The following PTPRC variants were observed in gnomAD, a reference collection of about 807,000 sequenced individuals.
PTPRC encodes protein tyrosine phosphatase receptor type C.
A neutral mutation model predicts 155.9 loss-of-function variants in PTPRC; 44 were observed. That is an observed-to-expected ratio of 0.28 (90% CI 0.22 to 0.36). The LOEUF (loss-of-function observed/expected upper bound fraction) is 0.36, where lower values mean the gene tolerates loss of function less well. PTPRC is among the 10% of genes least tolerant of loss of function. The probability of loss-of-function intolerance (pLI) is 1.00; values close to 1 mark genes in which losing one functional copy is unlikely to be tolerated. For synonymous variants in PTPRC, 525 were observed against 533.1 expected, an observed-to-expected ratio of 0.98 and a Z score of 0.21; for missense variants, 1,401 against 1,564.6, an observed-to-expected ratio of 0.90 and a Z score of 1.76.
Position 198,749,499 on chromosome 1 carries a change from G to T in PTPRC, c.3022G>T (p.Asp1008Tyr). The stretch of plus-strand genomic sequence containing the variant: ...TGATTCAGATGAATCCTCTGATGAT[G>T]ACAGTGATTCAGAGGAACCAAGCAA... ...EHDSDESSDD[D>Y]SDSEEPSKYI... Residue 1008 changes from aspartate to tyrosine, a missense_variant, in exon 28 of 33, where the codon GAC (aspartate) becomes TAC (tyrosine). This residue lies in a region of PTPRC where 400 missense variants were observed against 389.5 expected (regional missense o/e 1.03). Transcript: ENST00000442510. The T allele has an allele frequency of 1.2e-6, 2 of 1,610,278 alleles. No individual in the cohort carries two copies. The highest frequency in any genetic ancestry group is 2.2e-5 in the East Asian group (1 of 44,490).
Position 198,703,310 on chromosome 1 carries a change from A to G in PTPRC, c.596A>G (p.Asn199Ser), listed in dbSNP as rs369311409. The G allele has an allele frequency of 9.0e-5, 145 of 1,613,242 alleles. No homozygotes were observed. In the East Asian group the frequency reaches 2.0e-3, roughly 22 times the overall value. ...CATTTTCTTGCAGATGCCTACCTTAATGCCTCTGAAACAACCACTCTGAGC... is the reference window on the plus strand; with the variant it reads ...CATTTTCTTGCAGATGCCTACCTTAGTGCCTCTGAAACAACCACTCTGAGC... The part of the protein sequence containing the change: ...ITANTSDAYL[N>S]ASETTTLSPS... The change falls in exon 7 of 33, where the codon AAT (asparagine) becomes AGT (serine). Residue 199 changes from asparagine to serine, a missense_variant. Coordinates refer to ENST00000442510, the MANE Select transcript of PTPRC (RefSeq NM_002838.5).
chr1:198,714,575 T>C (rs950630078), intron 12 of PTPRC, among the ~76,000 whole-genome samples: 11 of 152,180 alleles, frequency 7.2e-5, no homozygotes, highest in Non-Finnish European at 1.3e-4. Context: ...GATTGGTGAC[T>C]GAATGCAGCT....
chr1:198,665,780 G>A (rs1015529143), intron 2 of PTPRC, among the ~76,000 whole-genome samples: 3 of 152,116 alleles, frequency 2.0e-5, no homozygotes, highest in Non-Finnish European at 4.4e-5. Context: ...ACAGACTAGG[G>A]AGCATGTCTG....
At chr1:198,695,289 T>G in intron 3 of PTPRC, 1 of 723,592 alleles carries the variant, frequency 1.4e-6, no homozygotes, top group South Asian at 6.3e-5. Context: ...TTTCCATATT[T>G]GTGCCATTGT....
chr1:198,749,873 A>G (rs1655300790), intron 28 of PTPRC, among the ~76,000 whole-genome samples: 1 of 151,892 alleles, frequency 6.6e-6, no homozygotes, highest in Admixed American at 6.6e-5. Flanking sequence ...ATACTCAGAT[A>G]CCCAAATTGT....
At chr1:198,638,720 T>A (rs1425941352), upstream of PTPRC, 1 of 153,626 alleles carries the variant, frequency 6.5e-6, no homozygotes, top group African/African-American at 2.4e-5. Context: ...ATTGATACTT[T>A]CTACTAAGTC....
At chr1:198,704,701 A>G (rs546844530) in intron 8 of PTPRC, among the ~76,000 whole-genome samples, 9 of 152,318 alleles carry the variant, frequency 5.9e-5, no homozygotes, top group Non-Finnish European at 1.2e-4. Flanking sequence ...TGGGAAATAC[A>G]AGAGCGATGA....
rs1655679694 is a variant in PTPRC, at chr1:198,756,548, A to ATACAT, written c.*369_*373dup. On this transcript the variant is annotated 3_prime_UTR_variant, in exon 33 of 33. Transcript: ENST00000442510. ...TTTCCTTTGTTTTTATGAAGAAAAA[A>ATACAT]TACATTTTATATTAGAAGTGTTAAC... The ATACAT allele has an allele frequency of 4.7e-6, 1 of 211,778 alleles. No homozygotes were observed. Among genetic ancestry groups the ATACAT allele is most frequent in the South Asian group, 6.9e-5 (1 of 14,408 alleles). 13.1% of individuals were successfully genotyped at this position (211,778 alleles called of 1,614,324 possible).
chr1:198,733,374 G>A (rs1007084746), intron 20 of PTPRC, among the ~76,000 whole-genome samples: 3 of 151,706 alleles, frequency 2.0e-5, no homozygotes, highest in African/African-American at 4.8e-5. Flanking sequence ...TTAGATAGGT[G>A]ATTGACATAT....
chr1:198,638,926 A>AAGGAATTAATGCC (rs1372225412), upstream of PTPRC: 11 of 245,488 alleles, frequency 4.5e-5, no homozygotes, highest in Non-Finnish European at 8.0e-5. Context: ...AACTTGGTGT[A>AAGGAATTAATGCC]ATTACTTGAA....
rs565017967 is a variant in PTPRC, at chr1:198,756,822, T to TGTC, written c.*642_*644dup. 2.4e-4 allele frequency: 37 copies of TGTC among 152,136 alleles called. No homozygotes were observed. The highest frequency in any genetic ancestry group is 8.2e-4 in the African/African-American group (34 of 41,572). 9.4% of individuals were successfully genotyped at this position (152,136 alleles called of 1,614,324 possible). A position where few individuals can be genotyped will look rare whatever the true frequency, so the allele number is the denominator to read the frequency against. ...TTCCATATATTAGCATTTAGTCCAA[T>TGTC]GTCTTTTTAAGCTTATTTAATTAAA... is the stretch of plus-strand genomic sequence containing the variant. On this transcript the variant is annotated 3_prime_UTR_variant, in exon 33 of 33. Transcript: ENST00000442510.
intron 2 of PTPRC, among the ~76,000 whole-genome samples, chr1:198,689,659 G>C (rs1665820767): frequency 6.6e-6 from 1 of 152,100 alleles, no homozygotes; most frequent in African/African-American, 2.4e-5. Context: ...TTCTCCTAAA[G>C]CTGTTATCAT....
chr1:198,660,068 T>TATATATATATATATATA (rs1663869991), intron 2 of PTPRC, among the ~76,000 whole-genome samples: 1 of 120,302 alleles, frequency 8.3e-6, no homozygotes, highest in African/African-American at 3.0e-5. Flanking sequence ...TATATATATA[T>TATATATATATATATATA]GATCTTTTTT....
At chr1:198,693,644 C>G (rs377081164) in intron 3 of PTPRC, among the ~76,000 whole-genome samples, 1 of 152,142 alleles carries the variant, frequency 6.6e-6, no homozygotes, top group African/African-American at 2.4e-5. Flanking sequence ...TGGTCTCTCC[C>G]AAATATTGGC....
chr1:198,739,601 G>T (rs1311218665), intron 23 of PTPRC, among the ~76,000 whole-genome samples: 1 of 151,758 alleles, frequency 6.6e-6, no homozygotes, highest in South Asian at 2.1e-4. Flanking sequence ...TAGAGCTAAA[G>T]AGAGAGATAG....
At chr1:198,693,862 G>T (rs1666059225) in intron 3 of PTPRC, among the ~76,000 whole-genome samples, 1 of 152,172 alleles carries the variant, frequency 6.6e-6, no homozygotes, top group African/African-American at 2.4e-5. Flanking sequence ...AATTTGCTTG[G>T]CTAGAAGTAA....
rs78332412 is a variant in PTPRC, at chr1:198,654,183, G to T, written c.73+14842G>T. ...AAAATATTAAGAGTAACTCTAAAAT[G>T]TATTAGAGCCACAGATGTTTTCCTT... On this transcript the variant is annotated intron_variant, in intron 2 of 32. Transcript: ENST00000442510. 5.8e-3 allele frequency among the ~76,000 whole-genome samples: 887 copies of T among 151,930 alleles called. 57 individuals are homozygous for T. In the East Asian group the frequency reaches 0.15, roughly 25 times the overall value.
Position 198,756,474 on chromosome 1 carries a change from GA to G in PTPRC, c.*294del, listed in dbSNP as rs1333256928. ...TGTATGGGTGTGTGTTTGTGTGAGAGACAGAGAAAGAGAGAGAATTCTTTCA... is the reference window on the plus strand; with the variant it reads ...TGTATGGGTGTGTGTTTGTGTGAGAGCAGAGAAAGAGAGAGAATTCTTTCA... On this transcript the variant is annotated 3_prime_UTR_variant, in exon 33 of 33. Transcript: ENST00000442510. 2 of 268,420 alleles carry G rather than the reference GA, an allele frequency of 7.5e-6. No individual in the cohort carries two copies. The highest frequency in any genetic ancestry group is 1.4e-5 in the Non-Finnish European group (2 of 141,304). 16.6% of individuals were successfully genotyped at this position (268,420 alleles called of 1,614,324 possible).
intron 15 of PTPRC, among the ~76,000 whole-genome samples, chr1:198,727,198 G>A (rs1176371263): frequency 1.3e-5 from 2 of 152,002 alleles, no homozygotes; most frequent in African/African-American, 4.8e-5. Flanking sequence ...CCCCCAAAGA[G>A]AATGCAAATT....
Sources: gnomAD v4.1 joint callset for allele counts (sites outside exome capture counted in the v4.1 genomes callset) on GRCh38, gnomAD v4.1.1 for gene constraint, gnomAD v4.1.1 regional missense constraint, MANE v1.5 for transcripts, NCBI Gene and HGNC (gene_info 2026-07-23, HGNC 2026-07-21) for gene names.